SGCD: variants seen among roughly 807,000 people sequenced by gnomAD.
SGCD encodes the protein sarcoglycan delta, also known as delta-sarcoglycan.
SGCD carries 18 observed loss-of-function variants against 36.6 expected under a neutral mutation model. The observed-to-expected ratio is 0.49, with a 90% CI of 0.34 to 0.73. The LOEUF (loss-of-function observed/expected upper bound fraction) is 0.73, where lower values mean the gene tolerates loss of function less well. Among genes scored for constraint, SGCD ranks in the 30% least tolerant of loss-of-function variants. The pLI is 0.01. For missense variants in SGCD, 387 were observed against 346.7 expected (o/e 1.12, Z -0.92); for synonymous variants, 133 against 130.6 (o/e 1.02, Z -0.12).
chr5:156,748,338 T>C (rs1293431167), intron 7 of SGCD, among the ~76,000 whole-genome samples: 1 of 152,136 alleles, frequency 6.6e-6, no homozygotes, highest in Non-Finnish European at 1.5e-5. Flanking sequence ...GTAAGATTAG[T>C]GCAATTTACT....
intron 1 of SGCD, among the ~76,000 whole-genome samples, chr5:156,101,374 T>A (rs542102223): frequency 7.9e-5 from 12 of 152,344 alleles, no homozygotes; most frequent in Non-Finnish European, 1.8e-4. Context: ...GTCATATTTC[T>A]TGTAGGTTCC....
chr5:155,975,608 CCTTTTTT>C (rs2127560906), intron 1 of SGCD, among the ~76,000 whole-genome samples: 1 of 48,118 alleles, frequency 2.1e-5, no homozygotes, highest in African/African-American at 8.1e-5. Context: ...TTCTTTCTTT[CCTTTTTT>C]TTTTTTTTTT....
At chr5:156,301,049 CTA>C (rs1767040388) in intron 3 of SGCD, among the ~76,000 whole-genome samples, 1 of 151,780 alleles carries the variant, frequency 6.6e-6, no homozygotes. Context: ...TTTAGCCAGT[CTA>C]TGTCTTTTAA....
chr5:155,920,846 T>A (rs776074324), intron 1 of SGCD, among the ~76,000 whole-genome samples: 5 of 152,028 alleles, frequency 3.3e-5, no homozygotes, highest in Non-Finnish European at 7.4e-5. Context: ...GGTGGATAGG[T>A]CAGCCTCAAA....
intron 3 of SGCD, among the ~76,000 whole-genome samples, chr5:156,156,602 T>C (rs1446377113): frequency 6.6e-6 from 1 of 151,440 alleles, no homozygotes; most frequent in African/African-American, 2.5e-5. Context: ...CCAGACTGGG[T>C]GACAGAGTCA....
chr5:156,687,811 A>T (rs1162324711), intron 7 of SGCD, among the ~76,000 whole-genome samples: 1 of 152,200 alleles, frequency 6.6e-6, no homozygotes, highest in East Asian at 1.9e-4. Flanking sequence ...TCCCAAGCTG[A>T]TCACCATGTT....
At chr5:155,985,516 A>G (rs1758313102) in intron 1 of SGCD, among the ~76,000 whole-genome samples, 1 of 152,106 alleles carries the variant, frequency 6.6e-6, no homozygotes, top group Admixed American at 6.6e-5. Context: ...TAATCTCCTC[A>G]TATTGAGATG....
chr5:155,815,993 C>A, the SGCD span, among the ~76,000 whole-genome samples: 9 of 152,258 alleles, frequency 5.9e-5, no homozygotes, highest in African/African-American at 2.2e-4. Flanking sequence ...GGGTTCAGTC[C>A]ATTGAGCAAA....
intron 7 of SGCD, among the ~76,000 whole-genome samples, chr5:156,713,106 C>T (rs976931590): frequency 2.0e-5 from 3 of 151,976 alleles, no homozygotes; most frequent in Non-Finnish European, 2.9e-5. Flanking sequence ...TAGGGGTAGC[C>T]GGGCAGGTAC....
At chr5:155,814,691 GAT>G in the SGCD span, among the ~76,000 whole-genome samples, 1 of 152,100 alleles carries the variant, frequency 6.6e-6, no homozygotes, top group Non-Finnish European at 1.5e-5. Flanking sequence ...AAGGATCAGG[GAT>G]ATCAATACTT....
rs946403738 is a variant in SGCD, at chr5:156,760,829, A to G, written c.*1439A>G. On this transcript the variant is annotated 3_prime_UTR_variant, in exon 9 of 9. Coordinates refer to ENST00000337851, the MANE Select transcript of SGCD (RefSeq NM_000337.6). ...CAATGCACTCAGCAAGGAGAAGCAC[A>G]TCTTATTTATCTTGTTACCTATAGT... The G allele has an allele frequency of 6.5e-6, 1 of 152,676 alleles. No homozygotes were observed. The highest frequency in any genetic ancestry group is 1.5e-5 in the Non-Finnish European group (1 of 68,076). The allele number at this position is 152,676 out of a possible 1,614,324, so 9.5% of individuals were successfully genotyped here.
intron 1 of SGCD, among the ~76,000 whole-genome samples, chr5:155,894,763 A>G (rs1004010214): frequency 1.3e-5 from 2 of 152,190 alleles, no homozygotes; most frequent in Non-Finnish European, 2.9e-5. Flanking sequence ...CATCCCTGCC[A>G]TGGGACCATC....
chr5:156,100,127 G>A (rs893282541), intron 1 of SGCD, among the ~76,000 whole-genome samples: 1 of 152,092 alleles, frequency 6.6e-6, no homozygotes, highest in Non-Finnish European at 1.5e-5. Flanking sequence ...AAAATATGAG[G>A]CTGGTGGTGG....
chr5:155,851,464 C>T, the SGCD span, among the ~76,000 whole-genome samples: 2 of 152,162 alleles, frequency 1.3e-5, no homozygotes, highest in South Asian at 2.1e-4. Flanking sequence ...GTCAGAGGAG[C>T]CATCAGTGCC....
intron 1 of SGCD, among the ~76,000 whole-genome samples, chr5:155,898,790 G>A (rs761093514): frequency 6.6e-6 from 1 of 152,196 alleles, no homozygotes; most frequent in South Asian, 2.1e-4. Flanking sequence ...AAGACAGGCA[G>A]TTGGAGTGGC....
At chr5:155,967,809 T>C (rs1385175255) in intron 1 of SGCD, among the ~76,000 whole-genome samples, 2 of 152,034 alleles carry the variant, frequency 1.3e-5, no homozygotes, top group African/African-American at 2.4e-5. Context: ...TTGGTAGAGA[T>C]AGTGTGGCGC....
the SGCD span, among the ~76,000 whole-genome samples, chr5:155,764,319 CA>C: frequency 6.6e-6 from 1 of 152,064 alleles, no homozygotes; most frequent in East Asian, 1.9e-4. Flanking sequence ...TCACCACCAA[CA>C]AAAAACGTCC....
chr5:155,941,998 T>C (rs1757335634), intron 1 of SGCD, among the ~76,000 whole-genome samples: 1 of 152,144 alleles, frequency 6.6e-6, no homozygotes, highest in Admixed American at 6.6e-5. Flanking sequence ...TCAGATCTAA[T>C]GGAGAGTTAG....
chr5:156,313,083 A>C (rs2127691665), intron 3 of SGCD, among the ~76,000 whole-genome samples: 1 of 152,076 alleles, frequency 6.6e-6, no homozygotes, highest in East Asian at 1.9e-4. Flanking sequence ...TTTGTCCCTC[A>C]TGGCTTAAGC....
Sources: gnomAD v4.1 joint callset for allele counts (sites outside exome capture counted in the v4.1 genomes callset) on GRCh38, gnomAD v4.1.1 for gene constraint, MANE v1.5 for transcripts, NCBI Gene and HGNC (gene_info 2026-07-23, HGNC 2026-07-21) for gene names.